The following ZNF729 variants were observed in gnomAD, a reference collection of about 807,000 sequenced individuals.
ZNF729 encodes the protein zinc finger protein 729.
ZNF729 carries 15 observed loss-of-function variants against 12.2 expected under a neutral mutation model. The ratio of observed to expected loss-of-function variants is 1.23; its 90% CI spans 0.82 to 1.89. The LOEUF (loss-of-function observed/expected upper bound fraction) is 1.89. Among genes scored for constraint, ZNF729 ranks in the 40% most tolerant of loss-of-function variants. The probability of loss-of-function intolerance (pLI) is 0.00; values close to 1 mark genes in which losing one functional copy is unlikely to be tolerated. For synonymous variants in ZNF729, 492 were observed against 476.3 expected (o/e 1.03, Z -0.43); for missense variants, 1,540 against 1,456.7 (o/e 1.06, Z -0.93).
chr19:22,293,494 A>ATTTTTTTTTTTTTTTTTTTTTTT (rs56180581), intron 1 of ZNF729, among the ~76,000 whole-genome samples: 1 of 96,066 alleles, frequency 1.0e-5, no homozygotes, highest in African/African-American at 4.2e-5. Context: ...CCTTTTGTCT[A>ATTTTTTTTTTTTTTTTTTTTTTT]TTTTTTTTTT....
At chr19:22,297,032 G>T (rs1968237393) in intron 1 of ZNF729, among the ~76,000 whole-genome samples, 1 of 152,088 alleles carries the variant, frequency 6.6e-6, no homozygotes, top group Admixed American at 6.6e-5. Flanking sequence ...TGTGCCATGT[G>T]GTGATGAGAA....
chr19:22,309,141 C>A (rs1968419785), intron 3 of ZNF729, among the ~76,000 whole-genome samples: 1 of 152,114 alleles, frequency 6.6e-6, no homozygotes, highest in African/African-American at 2.4e-5. Flanking sequence ...TATCCCAGCA[C>A]CATTTGTTGA....
intron 1 of ZNF729, among the ~76,000 whole-genome samples, chr19:22,295,161 T>G (rs970491562): frequency 6.6e-6 from 1 of 151,976 alleles, no homozygotes; most frequent in African/African-American, 2.4e-5. Context: ...TATACATTTA[T>G]TTTGTATTCT....
At chr19:22,292,499 C>T (rs2145041237) in intron 1 of ZNF729, among the ~76,000 whole-genome samples, 1 of 152,214 alleles carries the variant, frequency 6.6e-6, no homozygotes, top group Non-Finnish European at 1.5e-5. Flanking sequence ...AGTATAGTGG[C>T]ATGATCTCAG....
intron 1 of ZNF729, among the ~76,000 whole-genome samples, chr19:22,300,282 C>G (rs560592042): frequency 2.0e-5 from 3 of 152,318 alleles, no homozygotes; most frequent in South Asian, 4.1e-4. Flanking sequence ...CATTTTTCTA[C>G]TTGTGAACTA....
At chr19:22,292,701 A>G (rs1968171442) in intron 1 of ZNF729, among the ~76,000 whole-genome samples, 1 of 152,126 alleles carries the variant, frequency 6.6e-6, no homozygotes, top group Admixed American at 6.5e-5. Flanking sequence ...TCGGCCTCCC[A>G]GAGTGCTGGA....
At chr19:22,287,440 ATT>A (rs1360071417) in intron 1 of ZNF729, among the ~76,000 whole-genome samples, 1 of 151,512 alleles carries the variant, frequency 6.6e-6, no homozygotes, top group African/African-American at 2.4e-5. Flanking sequence ...CTAATTTTGT[ATT>A]TTTAGTAGAG....
At chr19:22,304,139 T>C (rs1968350685) in intron 2 of ZNF729, among the ~76,000 whole-genome samples, 2 of 150,548 alleles carry the variant, frequency 1.3e-5, no homozygotes, top group South Asian at 4.2e-4. Flanking sequence ...CCCAGGTTCA[T>C]GCAATTCTCC....
Position 22,314,552 on chromosome 19 carries a change from G to T in ZNF729, c.1135G>T (p.Glu379Ter). 1 of 1,611,498 alleles carries T rather than the reference G, an allele frequency of 6.2e-7. No individual in the cohort carries two copies. The highest frequency in any genetic ancestry group is 1.1e-5 in the South Asian group (1 of 91,050). ...IHTGEKPYKCEECGKAFKWSS... is the reference protein window; with the variant it reads ...IHTGEKPYKC ...TACTGGAGAGAAACCCTACAAATGTGAAGAATGTGGTAAAGCTTTTAAGTG... is the reference window on the plus strand; with the variant it reads ...TACTGGAGAGAAACCCTACAAATGTTAAGAATGTGGTAAAGCTTTTAAGTG... The change falls in exon 4 of 4, where the codon GAA becomes TAA. Residue 379 changes from glutamate to a stop codon, truncating the protein, a stop_gained. Transcript: ENST00000601693. LOFTEE classifies it low-confidence loss of function (END_TRUNC).
At chr19:22,310,192 A>G (rs1402559461) in intron 3 of ZNF729, among the ~76,000 whole-genome samples, 3 of 151,978 alleles carry the variant, frequency 2.0e-5, no homozygotes, top group Non-Finnish European at 4.4e-5. Context: ...ACCAATTTCG[A>G]TGCCCTATCT....
chr19:22,315,048 A>G lies in ZNF729; in HGVS notation c.1631A>G (p.Tyr544Cys). The G allele has an allele frequency of 6.2e-7, 1 of 1,611,496 alleles. No individual in the cohort carries two copies. The highest frequency in any genetic ancestry group is 8.5e-7 in the Non-Finnish European group (1 of 1,179,750). Residue 544 changes from tyrosine (Y) to cysteine (C), a missense_variant, in exon 4 of 4, where the codon TAC (tyrosine) becomes TGC (cysteine). Transcript: ENST00000601693. ...ATAATTCATACTGGAGAGAAACCCTACAAATGTGAAGAATGTGGTAAAGCT... is the reference window on the plus strand; with the variant it reads ...ATAATTCATACTGGAGAGAAACCCTGCAAATGTGAAGAATGTGGTAAAGCT... ...HQIIHTGEKP[Y>C]KCEECGKAFK...
intron 1 of ZNF729, among the ~76,000 whole-genome samples, chr19:22,292,003 A>G (rs1370298571): frequency 6.6e-6 from 1 of 151,966 alleles, no homozygotes; most frequent in South Asian, 2.1e-4. Flanking sequence ...AAGTGCTGGG[A>G]TTACAGGCGT....
At chr19:22,294,657 C>CTTTTTTTTTTTTTTTTTTT (rs71180535) in intron 1 of ZNF729, among the ~76,000 whole-genome samples, 1 of 92,440 alleles carries the variant, frequency 1.1e-5, no homozygotes, top group African/African-American at 4.0e-5. Flanking sequence ...TTTTCTTTTT[C>CTTTTTTTTTTTTTTTTTTT]TTTTTTTTTT....
At chr19:22,303,970 G>A in intron 2 of ZNF729, 86 bp downstream of exon 2, 1 of 1,347,688 alleles carries the variant, frequency 7.4e-7, no homozygotes, top group Non-Finnish European at 9.9e-7. Context: ...GGTGATTTAT[G>A]CTTACTATAA....
At chr19:22,302,927 AC>A (rs1175623016) in intron 1 of ZNF729, among the ~76,000 whole-genome samples, 2 of 152,094 alleles carry the variant, frequency 1.3e-5, no homozygotes, top group East Asian at 3.9e-4. Flanking sequence ...ATAGCGTGCC[AC>A]CATGCCTGGC....
At chr19:22,295,728 T>G (rs2034477326) in intron 1 of ZNF729, among the ~76,000 whole-genome samples, 1 of 152,182 alleles carries the variant, frequency 6.6e-6, no homozygotes, top group African/African-American at 2.4e-5. Context: ...GATAAACGCT[T>G]TCAGCTTGTA....
intron 1 of ZNF729, among the ~76,000 whole-genome samples, chr19:22,297,373 C>T (rs549262709): frequency 6.6e-6 from 1 of 151,172 alleles, no homozygotes; most frequent in South Asian, 2.1e-4. Flanking sequence ...TGCTGAAATT[C>T]AGATGTCCAA....
Position 22,306,016 on chromosome 19 carries a change from T to G in ZNF729, c.253+1233T>G, listed in dbSNP as rs373211662. ...TGTTTTTTAGAGACAGGGTTTTGCC[T>G]TGTTGCTCAGGCTGGTCTCACACTC... On this transcript the variant is annotated intron_variant, in intron 3 of 3. Transcript: ENST00000601693. 1.1e-4 allele frequency among the ~76,000 whole-genome samples: 16 copies of G among 152,232 alleles called. No individual in the cohort carries two copies. The East Asian group carries it at 1.9e-3, about 18-fold the overall frequency.
chr19:22,304,663 A>C, intron 2 of ZNF729, 25 bp from the exon 3 acceptor site: 1 of 1,577,020 alleles, frequency 6.3e-7, no homozygotes, highest in South Asian at 1.1e-5. Context: ...ACCAATATTT[A>C]TGTTATTTAT....
Sources: allele counts gnomAD v4.1 joint callset (sites outside exome capture counted in the v4.1 genomes callset), GRCh38; gene constraint gnomAD v4.1.1; transcripts MANE v1.5; gene names NCBI Gene and HGNC (gene_info 2026-07-23, HGNC 2026-07-21).